Variants in ASAP1 observed in about 807,000 individuals in gnomAD.
The protein encoded by ASAP1 is ArfGAP with SH3 domain, ankyrin repeat and PH domain 1.
Under a neutral mutation model 145.2 loss-of-function variants are expected in ASAP1, and 43 were observed. The observed-to-expected ratio is 0.30, with a 90% confidence interval of 0.23 to 0.38. The LOEUF (loss-of-function observed/expected upper bound fraction) is 0.38, where lower values mean the gene tolerates loss of function less well. Ranked by LOEUF, ASAP1 falls within the 10% of genes least tolerant of loss-of-function variation. ASAP1 has a pLI of 1.00. For synonymous variants in ASAP1, 546 were observed against 515.5 expected (o/e 1.06, Z -0.80); for missense variants, 1,018 against 1,355.3 (o/e 0.75, Z 3.91).
At chr8:130,167,502 T>C (rs776795194) in intron 11 of ASAP1, 34 bp downstream of exon 11, 23 of 1,549,918 alleles carry the variant, frequency 1.5e-5, no homozygotes, top group Non-Finnish European at 1.9e-5. Context: ...TTACCTACAC[T>C]GTTAGCCCTG....
intron 3 of ASAP1, among the ~76,000 whole-genome samples, chr8:130,250,450 C>G (rs1484655457): frequency 6.6e-6 from 1 of 152,120 alleles, no homozygotes; most frequent in Non-Finnish European, 1.5e-5. Context: ...ATGGCGCATG[C>G]TAAGCTTACT....
intron 3 of ASAP1, among the ~76,000 whole-genome samples, chr8:130,355,594 C>A (rs1236338145): frequency 6.6e-6 from 1 of 152,124 alleles, no homozygotes; most frequent in Non-Finnish European, 1.5e-5. Context: ...CATATGCCAA[C>A]AAGATTTTGT....
intron 18 of ASAP1, among the ~76,000 whole-genome samples, chr8:130,122,728 A>G (rs2097568555): frequency 6.6e-6 from 1 of 152,228 alleles, no homozygotes; most frequent in South Asian, 2.1e-4. Context: ...ACTACATTAG[A>G]GATATTGGAG....
At chr8:130,381,607 C>T (rs533001628) in intron 2 of ASAP1, among the ~76,000 whole-genome samples, 1 of 152,058 alleles carries the variant, frequency 6.6e-6, no homozygotes. Flanking sequence ...TTGGAGAATG[C>T]GTCCTCCAAG....
At chr8:130,406,703 G>A (rs368345976) in intron 1 of ASAP1, among the ~76,000 whole-genome samples, 25 of 152,102 alleles carry the variant, frequency 1.6e-4, no homozygotes, top group African/African-American at 5.1e-4. Context: ...GGATGATCTC[G>A]AACTCCTGAC....
chr8:130,070,527 A>T (rs1037842900), intron 27 of ASAP1, among the ~76,000 whole-genome samples: 2 of 152,086 alleles, frequency 1.3e-5, no homozygotes, highest in African/African-American at 4.8e-5. Context: ...TCCACTTGAT[A>T]ACCCCCTGTG....
At chr8:130,429,570 C>CAT (rs1227305936) in intron 1 of ASAP1, among the ~76,000 whole-genome samples, 1 of 152,220 alleles carries the variant, frequency 6.6e-6, no homozygotes, top group Non-Finnish European at 1.5e-5. Context: ...ACCAGCCATC[C>CAT]ATACCACAGA....
chr8:130,190,926 A>G (rs941306762), intron 5 of ASAP1, among the ~76,000 whole-genome samples: 1 of 152,044 alleles, frequency 6.6e-6, no homozygotes, highest in African/African-American at 2.4e-5. Context: ...TGTCTCCCTC[A>G]CTAGTACATA....
At position 130,214,720 on chromosome 8, in the gene ASAP1, A is replaced by C; in HGVS notation, c.260-19T>G. The stretch of plus-strand genomic sequence containing the variant: ...ACATGATCTAAAAACAAAAAAGAAG[A>C]AGAAAGGAGTCTGAACTATTATTTG... On this transcript the variant is annotated intron_variant, in intron 4 of 29. Transcript: ENST00000518721. 1 of 1,565,090 alleles carries C rather than the reference A, an allele frequency of 6.4e-7. No homozygotes were observed. The highest frequency in any genetic ancestry group is 8.6e-7 in the Non-Finnish European group (1 of 1,156,888).
chr8:130,127,536 T>C (rs1223329573), intron 16 of ASAP1, among the ~76,000 whole-genome samples: 1 of 152,090 alleles, frequency 6.6e-6, no homozygotes, highest in African/African-American at 2.4e-5. Flanking sequence ...ACTGACCCAT[T>C]TTTTAGGATA....
chr8:130,335,008 A>G (rs1481974299), intron 3 of ASAP1, among the ~76,000 whole-genome samples: 1 of 152,126 alleles, frequency 6.6e-6, no homozygotes, highest in Non-Finnish European at 1.5e-5. Flanking sequence ...TTCTTCCCCA[A>G]ATTCTCTCTG....
At chr8:130,253,837 A>AT (rs757638190) in intron 3 of ASAP1, among the ~76,000 whole-genome samples, 2 of 152,164 alleles carry the variant, frequency 1.3e-5, no homozygotes, top group Non-Finnish European at 2.9e-5. Context: ...CCTGGCCAAC[A>AT]TGGTGAAACC....
chr8:130,066,026 TATC>T (rs774134974), intron 27 of ASAP1, among the ~76,000 whole-genome samples: 65 of 152,194 alleles, frequency 4.3e-4, no homozygotes, highest in Non-Finnish European at 9.3e-4. Context: ...GTATCAGTAT[TATC>T]ATAAAGCTTA....
intron 25 of ASAP1, 92 bp downstream of exon 25, chr8:130,091,881 A>G (rs1592778986): frequency 7.4e-7 from 1 of 1,354,222 alleles, no homozygotes; most frequent in Non-Finnish European, 9.8e-7. Flanking sequence ...ATTTTGGCAC[A>G]CTTTCTGAAT....
At chr8:130,391,786 C>T (rs991877988) in intron 2 of ASAP1, among the ~76,000 whole-genome samples, 12 of 152,288 alleles carry the variant, frequency 7.9e-5, no homozygotes, top group African/African-American at 2.9e-4. Context: ...CACATTATAC[C>T]TTTTTAGAGA....
At chr8:130,422,243 G>A (rs537785242) in intron 1 of ASAP1, among the ~76,000 whole-genome samples, 14 of 152,272 alleles carry the variant, frequency 9.2e-5, no homozygotes, top group African/African-American at 3.4e-4. Flanking sequence ...AGGAAGGGGA[G>A]GAAAGGGAAG....
At chr8:130,235,993 C>T (rs1271806141) in intron 4 of ASAP1, among the ~76,000 whole-genome samples, 1 of 151,870 alleles carries the variant, frequency 6.6e-6, no homozygotes, top group Non-Finnish European at 1.5e-5. Context: ...CCACTATCCT[C>T]ACGTTACAGA....
chr8:130,402,102 T>C, intron 1 of ASAP1, 132 bp from the exon 2 acceptor site: 1 of 584,022 alleles, frequency 1.7e-6, no homozygotes, highest in Non-Finnish European at 3.0e-6. Context: ...CACCACAGAG[T>C]GGCTGTCCAG....
Position 130,058,011 on chromosome 8 carries a change from G to C in ASAP1, c.3258C>G (p.Leu1086=). Residue 1086 remains leucine (L), a synonymous_variant, in exon 29 of 30, where the codon CTC becomes CTG. Coordinates refer to ENST00000518721, the MANE Select transcript of ASAP1 (RefSeq NM_018482.4). ...YDCQADNDDE[L]TFIEGEVIIV... ...TAATCACTTCTCCCTCGATGAATGT[G>C]AGCTCGTCATCGTTGTCTGCCTGGC... is the stretch of plus-strand genomic sequence containing the variant. 1 of 1,614,190 alleles carries C rather than the reference G, an allele frequency of 6.2e-7. No individual in the cohort carries two copies. The highest frequency in any genetic ancestry group is 8.5e-7 in the Non-Finnish European group (1 of 1,179,994).
Sources: gnomAD v4.1 joint callset for allele counts (sites outside exome capture counted in the v4.1 genomes callset) on GRCh38, gnomAD v4.1.1 for gene constraint, MANE v1.5 for transcripts, NCBI Gene and HGNC (gene_info 2026-07-23, HGNC 2026-07-21) for gene names.